The following ITGA6 variants were observed in gnomAD, a reference collection of about 807,000 sequenced individuals.
ITGA6 encodes integrin alpha-6.
Under a neutral mutation model 133.6 loss-of-function variants are expected in ITGA6, and 63 were observed. That is an observed-to-expected ratio of 0.47 (90% CI 0.38 to 0.58). ITGA6 has a LOEUF of 0.58. Ranked by LOEUF, ITGA6 falls within the 20% of genes least tolerant of loss-of-function variation. The pLI is 0.00. For synonymous variants in ITGA6, 434 were observed against 482.0 expected (o/e 0.90, Z 1.30); for missense variants, 1,068 against 1,309.4 (o/e 0.82, Z 2.85).
At chr2:172,469,851 A>C (rs1250788023) in intron 4 of ITGA6, among the ~76,000 whole-genome samples, 1 of 152,216 alleles carries the variant, frequency 6.6e-6, no homozygotes, top group African/African-American at 2.4e-5. Flanking sequence ...CTAATAATTC[A>C]GTAGAGTTAG....
At chr2:172,460,199 GT>G (rs1685375652) in intron 1 of ITGA6, among the ~76,000 whole-genome samples, 1 of 152,214 alleles carries the variant, frequency 6.6e-6, no homozygotes, top group South Asian at 2.1e-4. Flanking sequence ...ATTTGGCTAT[GT>G]AAAAGAATAG....
At chr2:172,438,285 G>A (rs1254769270) in intron 1 of ITGA6, among the ~76,000 whole-genome samples, 1 of 151,666 alleles carries the variant, frequency 6.6e-6, no homozygotes, top group Non-Finnish European at 1.5e-5. Context: ...TGGGGGAGGT[G>A]GCCTGATGAC....
intron 7 of ITGA6, among the ~76,000 whole-genome samples, chr2:172,475,351 G>C (rs1455156661): frequency 1.3e-5 from 2 of 152,014 alleles, no homozygotes; most frequent in African/African-American, 4.8e-5. Flanking sequence ...GCTACTCCCA[G>C]CTTTGGAAAG....
At chr2:172,489,709 T>A in intron 20 of ITGA6, 51 bp downstream of exon 20, 1 of 1,488,274 alleles carries the variant, frequency 6.7e-7, no homozygotes, top group Non-Finnish European at 9.3e-7. Flanking sequence ...TTAGAGAAAC[T>A]AACTTGTTAG....
chr2:172,461,670 C>T (rs1685431693), intron 1 of ITGA6, among the ~76,000 whole-genome samples: 1 of 152,226 alleles, frequency 6.6e-6, no homozygotes, highest in African/African-American at 2.4e-5. Context: ...CTGCTTTTCA[C>T]ACTGAACCAT....
intron 24 of ITGA6, among the ~76,000 whole-genome samples, chr2:172,499,940 GT>G (rs60632036): frequency 0.57 from 86,830 of 151,944 alleles, 27,399 homozygotes; most frequent in East Asian, 0.9. Context: ...TTTTGTTTTT[GT>G]TTTTTTGAAG....
chr2:172,467,909 C>A (rs1685752256), intron 3 of ITGA6, among the ~76,000 whole-genome samples: 1 of 151,872 alleles, frequency 6.6e-6, no homozygotes, highest in Non-Finnish European at 1.5e-5. Flanking sequence ...ATCGCTTGAA[C>A]CTGGGAGGTG....
intron 5 of ITGA6, chr2:172,472,787 G>C: frequency 6.2e-7 from 1 of 1,611,272 alleles, no homozygotes; most frequent in Non-Finnish European, 8.5e-7. Context: ...TGCTGTTTTT[G>C]ACCAGCGTTT....
intron 1 of ITGA6, among the ~76,000 whole-genome samples, chr2:172,454,139 G>A (rs12622044): frequency 0.074 from 11,223 of 150,724 alleles, 1,281 homozygotes; most frequent in East Asian, 0.51. Context: ...GCTGGAGTGC[G>A]GTGGTGCCAT....
At chr2:172,477,863 G>A (rs746664445) in intron 9 of ITGA6, among the ~76,000 whole-genome samples, 10 of 152,174 alleles carry the variant, frequency 6.6e-5, no homozygotes. Flanking sequence ...CTTGAATCCT[G>A]TGCATTTTTT....
intron 1 of ITGA6, among the ~76,000 whole-genome samples, chr2:172,461,753 A>G (rs774602172): frequency 2.6e-5 from 4 of 152,216 alleles, no homozygotes; most frequent in Admixed American, 1.3e-4. Context: ...GAATTTGAGC[A>G]TAAATTGGAT....
At chr2:172,481,350 T>C (rs1039434910) in intron 11 of ITGA6, among the ~76,000 whole-genome samples, 3 of 152,198 alleles carry the variant, frequency 2.0e-5, no homozygotes, top group South Asian at 2.1e-4. Flanking sequence ...GGGTTTGCAA[T>C]GGTGAATCCT....
Position 172,469,160 on chromosome 2 carries a change from T to C in ITGA6, c.423T>C (p.Val141=). The change falls in exon 4 of 26, where the codon GTT becomes GTC. Residue 141 remains valine (V), a synonymous_variant. Coordinates refer to ENST00000684293, the MANE Select transcript of ITGA6 (RefSeq NM_000210.4). ...CAHRYEKRQH[V]NTKQESRDIF... is the part of the protein sequence containing the mutation. ...ACCGATATGAAAAAAGGCAGCATGT[T>C]AATACGAAGCAGGAATCCCGAGACA... 1 of 1,614,166 alleles carries C rather than the reference T, an allele frequency of 6.2e-7. No homozygotes were observed. Among genetic ancestry groups the C allele is most frequent in the South Asian group, 1.1e-5 (1 of 91,084 alleles).
In ITGA6 at chr2:172,465,655, A is replaced by C. The variant is rs760662250; in HGVS notation, c.299A>C (p.Asp100Ala). The part of the protein sequence containing the change: ...ARGPCTRIEF[D>A]NDADPTSESK... ...GGGCCATGCACGCGGATCGAGTTTG[A>C]TAACGATGGTGCGTTCCTTTCCCTC... The change falls in exon 2 of 26, where the codon GAT (aspartate) becomes GCT (alanine). Residue 100 changes from aspartate to alanine, a missense_variant. Transcript: ENST00000684293. 2 of 1,614,230 alleles carry C rather than the reference A, an allele frequency of 1.2e-6. No homozygotes were observed. Among genetic ancestry groups the C allele is most frequent in the Non-Finnish European group, 1.7e-6 (2 of 1,180,022 alleles).
intron 1 of ITGA6, among the ~76,000 whole-genome samples, chr2:172,451,933 C>G (rs375879036): frequency 1.4e-5 from 2 of 147,718 alleles, no homozygotes; most frequent in South Asian, 2.1e-4. Context: ...ATTCAAAAAC[C>G]TGTTCTTTTT....
intron 1 of ITGA6, among the ~76,000 whole-genome samples, chr2:172,439,550 G>T (rs1049079968): frequency 6.6e-6 from 1 of 151,710 alleles, no homozygotes; most frequent in Non-Finnish European, 1.5e-5. Flanking sequence ...GCATGGTGGT[G>T]GTATAAAAGC....
intron 9 of ITGA6, among the ~76,000 whole-genome samples, chr2:172,478,959 G>A (rs986468771): frequency 6.6e-6 from 1 of 152,148 alleles, no homozygotes; most frequent in Non-Finnish European, 1.5e-5. Context: ...CTTCCAGAGG[G>A]TATGTTGGCA....
chr2:172,449,922 CAAAA>C (rs753594850), intron 1 of ITGA6, among the ~76,000 whole-genome samples: 8,842 of 77,458 alleles, frequency 0.11, 336 homozygotes, highest in African/African-American at 0.19. Context: ...ACTTCCTCTC[CAAAA>C]AAAAAAAAAA....
intron 1 of ITGA6, among the ~76,000 whole-genome samples, chr2:172,436,965 G>A (rs1487495740): frequency 6.6e-6 from 1 of 152,206 alleles, no homozygotes; most frequent in Non-Finnish European, 1.5e-5. Flanking sequence ...GGAACAGGGA[G>A]TGCAGATGGG....
Sources: allele counts gnomAD v4.1 joint callset (sites outside exome capture counted in the v4.1 genomes callset), GRCh38; gene constraint gnomAD v4.1.1; transcripts MANE v1.5; gene names NCBI Gene and HGNC (gene_info 2026-07-23, HGNC 2026-07-21).